The following CUBN variants were observed in gnomAD, a reference collection of about 807,000 sequenced individuals.
CUBN encodes the protein cubilin.
A neutral mutation model predicts 405.3 loss-of-function variants in CUBN; 282 were observed. That is an observed-to-expected ratio of 0.70 (90% confidence interval 0.63 to 0.77). The LOEUF (loss-of-function observed/expected upper bound fraction) is 0.77, where lower values mean the gene tolerates loss of function less well. CUBN is among the 30% of genes least tolerant of loss of function. The pLI is 0.00. For missense variants in CUBN, 4,514 were observed against 4,475.2 expected, an observed-to-expected ratio of 1.01 and a Z score of -0.25; for synonymous variants, 1,684 against 1,617.0, an observed-to-expected ratio of 1.04 and a Z score of -0.99.
chr10:16,880,343 A>C (rs1009637997), intron 56 of CUBN, among the ~76,000 whole-genome samples: 1 of 152,220 alleles, frequency 6.6e-6, no homozygotes, highest in Admixed American at 6.5e-5. Context: ...AATCCAGGCC[A>C]ATCAGATGTG....
chr10:16,965,767 GA>G (rs1479149810), intron 31 of CUBN: 1 of 236,394 alleles, frequency 4.2e-6, no homozygotes, highest in Non-Finnish European at 8.6e-6. Flanking sequence ...CATTGTAATA[GA>G]AAAATTAGGA....
At chr10:16,889,125 G>T (rs1056733397) in intron 55 of CUBN, among the ~76,000 whole-genome samples, 7 of 152,134 alleles carry the variant, frequency 4.6e-5, no homozygotes, top group Middle Eastern at 3.2e-3. Context: ...CCACTAAAAT[G>T]ATTTGTTTTC....
intron 34 of CUBN, among the ~76,000 whole-genome samples, chr10:16,949,770 A>G (rs1564442301): frequency 6.6e-6 from 1 of 152,170 alleles, no homozygotes; most frequent in Non-Finnish European, 1.5e-5. Flanking sequence ...AAATGTTTTA[A>G]AACATATACA....
At chr10:17,099,516 A>G (rs1399972010) in intron 14 of CUBN, among the ~76,000 whole-genome samples, 2 of 152,138 alleles carry the variant, frequency 1.3e-5, no homozygotes, top group African/African-American at 4.8e-5. Flanking sequence ...GCCTTTAGAC[A>G]CAAAATAAAT....
chr10:16,949,984 A>AAC lies in CUBN; in HGVS notation c.5080+16_5080+17insGT. On this transcript the variant is annotated intron_variant, in intron 34 of 66. Transcript: ENST00000377833. ...ACAGCCAAGACCACAGATGTAGATG[A>AAC]GTGAACGCTGAGGTACCTCGGAGGG... is the stretch of plus-strand genomic sequence containing the variant. 1 of 1,573,074 alleles carries AAC rather than the reference A, an allele frequency of 6.4e-7. No homozygotes were observed. Among genetic ancestry groups the AAC allele is most frequent in the Non-Finnish European group, 8.7e-7 (1 of 1,143,618 alleles).
chr10:16,917,268 C>A, intron 45 of CUBN, among the ~76,000 whole-genome samples: 1 of 152,142 alleles, frequency 6.6e-6, no homozygotes, highest in East Asian at 1.9e-4. Context: ...AATAAACATA[C>A]TGCATTTCTT....
intron 56 of CUBN, among the ~76,000 whole-genome samples, chr10:16,887,758 A>T (rs1365091579): frequency 6.6e-6 from 1 of 152,208 alleles, no homozygotes; most frequent in Admixed American, 6.5e-5. Context: ...AGCGTGTCCA[A>T]GAGATTATCT....
intron 31 of CUBN, among the ~76,000 whole-genome samples, chr10:16,981,203 A>ACACACACACACACACACACACACACAC: frequency 6.6e-6 from 1 of 151,826 alleles, no homozygotes; most frequent in Non-Finnish European, 1.5e-5. Context: ...ACACACACAC[A>ACACACACACACACACACACACACACAC]GAAGAGAGAA....
chr10:17,005,386 A>G (rs1380704764), intron 28 of CUBN, among the ~76,000 whole-genome samples: 1 of 152,206 alleles, frequency 6.6e-6, no homozygotes, highest in Admixed American at 6.5e-5. Flanking sequence ...TATACATTAA[A>G]GAGTAAGAAT....
intron 31 of CUBN, among the ~76,000 whole-genome samples, chr10:16,968,803 C>A (rs1348108500): frequency 2.0e-5 from 3 of 152,238 alleles, no homozygotes; most frequent in African/African-American, 4.8e-5. Context: ...CACTTGTGTG[C>A]TGACCAGACA....
intron 12 of CUBN, 45 bp from the exon 13 acceptor site, chr10:17,103,282 G>T: frequency 1.6e-6 from 2 of 1,216,676 alleles, no homozygotes; most frequent in Non-Finnish European, 2.4e-6. Context: ...GTTCCTAAAA[G>T]GAAGAGGTTG....
At chr10:16,983,086 T>C (rs1388832447) in intron 30 of CUBN, among the ~76,000 whole-genome samples, 1 of 152,180 alleles carries the variant, frequency 6.6e-6, no homozygotes, top group Non-Finnish European at 1.5e-5. Flanking sequence ...TATTCGGATA[T>C]AGTACAGTTA....
At chr10:16,877,916 C>A (rs769097150) in intron 56 of CUBN, among the ~76,000 whole-genome samples, 1 of 152,186 alleles carries the variant, frequency 6.6e-6, no homozygotes, top group African/African-American at 2.4e-5. Flanking sequence ...GGAAATGACA[C>A]CCATATGGTA....
chr10:16,977,798 C>T (rs955088614), intron 31 of CUBN, among the ~76,000 whole-genome samples: 3 of 152,210 alleles, frequency 2.0e-5, no homozygotes, highest in Admixed American at 6.5e-5. Context: ...CTCTCCCCGG[C>T]TCCTGCACCC....
At chr10:16,848,665 T>C (rs1177128391) in intron 60 of CUBN, among the ~76,000 whole-genome samples, 2 of 147,306 alleles carry the variant, frequency 1.4e-5, no homozygotes, top group African/African-American at 2.5e-5. Flanking sequence ...TTAGGACTGC[T>C]CTAGTCATTT....
intron 59 of CUBN, among the ~76,000 whole-genome samples, chr10:16,867,356 C>T (rs1840217086): frequency 1.3e-5 from 2 of 152,154 alleles, no homozygotes; most frequent in African/African-American, 4.8e-5. Context: ...ACCTTACAGT[C>T]AAAGCTATTC....
intron 28 of CUBN, among the ~76,000 whole-genome samples, chr10:17,008,093 G>A (rs1370219149): frequency 6.6e-6 from 1 of 152,148 alleles, no homozygotes; most frequent in Non-Finnish European, 1.5e-5. Context: ...TGAGGCTGCA[G>A]TGAGCTGAGA....
chr10:16,961,857 G>A (rs1386239774), intron 31 of CUBN, among the ~76,000 whole-genome samples: 41 of 151,490 alleles, frequency 2.7e-4, no homozygotes, highest in Non-Finnish European at 4.7e-4. Flanking sequence ...GACTACAGGC[G>A]CCCGCCACTA....
intron 6 of CUBN, chr10:17,122,097 T>A (rs1341686550): frequency 6.6e-6 from 1 of 152,638 alleles, no homozygotes; most frequent in South Asian, 2.1e-4. Flanking sequence ...ACGATGGATA[T>A]CCCTAGAGCA....
Sources: gnomAD v4.1 joint callset for allele counts (sites outside exome capture counted in the v4.1 genomes callset) on GRCh38, gnomAD v4.1.1 for gene constraint, MANE v1.5 for transcripts, NCBI Gene and HGNC (gene_info 2026-07-23, HGNC 2026-07-21) for gene names.